Variants in KIF20B observed in about 807,000 individuals in gnomAD.
KIF20B encodes kinesin family member 20B.
In KIF20B, 188 loss-of-function variants were observed where a neutral mutation model predicts 232.5. That is an observed-to-expected ratio of 0.81 (90% CI 0.72 to 0.91). KIF20B has a LOEUF of 0.91. Among genes scored for constraint, KIF20B ranks in the 40% least tolerant of loss-of-function variants. The pLI, the probability that KIF20B is intolerant of heterozygous loss-of-function variation, is 0.00. For missense variants in KIF20B, 2,154 were observed against 2,055.9 expected (o/e 1.05, Z -0.92); for synonymous variants, 712 against 683.0 (o/e 1.04, Z -0.66).
At position 89,714,961 on chromosome 10, in the gene KIF20B, T is replaced by C. The variant is rs1842907811; in HGVS notation, c.719T>C (p.Leu240Ser). ...NDSDDTLYGS[L>S]TNSLNISEFE... is the part of the protein sequence containing the mutation. ...CTTTTTCTTTTTTTTGTAGGAAGTT[T>C]AACTAACTCTTTGAATATCTCAGAG... The change falls in exon 8 of 33, where the codon TTA (leucine) becomes TCA (serine). Residue 240 changes from leucine to serine, a missense_variant. By Grantham distance (145) the Leu-to-Ser change is moderately radical. Transcript: ENST00000371728. 1.3e-6 allele frequency: 2 copies of C among 1,540,354 alleles called. No homozygotes were observed. Among genetic ancestry groups the C allele is most frequent in the Non-Finnish European group, 1.8e-6 (2 of 1,136,598 alleles).
At position 89,711,031 on chromosome 10, in the gene KIF20B, G is replaced by C; in HGVS notation, c.561G>C (p.Leu187=). The C allele has an allele frequency of 6.2e-7, 1 of 1,608,886 alleles. No individual in the cohort carries two copies. Among genetic ancestry groups the C allele is most frequent in the Non-Finnish European group, 8.5e-7 (1 of 1,176,976 alleles). The part of the protein sequence containing the change: ...NVLFDSLQER[L]YTKMNLKPHR... Reference sequence around the variant, plus strand: ...TATTTGATAGTCTTCAAGAAAGACTGTATACAAAGATGAACCTTAAACCAC... The same window carrying C: ...TATTTGATAGTCTTCAAGAAAGACTCTATACAAAGATGAACCTTAAACCAC... The change falls in exon 6 of 33, where the codon CTG becomes CTC. Residue 187 remains leucine, a synonymous_variant. Transcript: ENST00000371728.
At chr10:89,735,273 GAA>G (rs1250536121) in intron 19 of KIF20B, among the ~76,000 whole-genome samples, 1 of 152,014 alleles carries the variant, frequency 6.6e-6, no homozygotes, top group Non-Finnish European at 1.5e-5. Context: ...AGATAGAAAA[GAA>G]GAACATATGT....
chr10:89,758,667 T>C, intron 26 of KIF20B, 39 bp from the exon 27 acceptor site: 3 of 1,392,122 alleles, frequency 2.2e-6, no homozygotes, highest in Non-Finnish European at 2.9e-6. Context: ...TCATAATATA[T>C]CAAGGTTGAT....
intron 21 of KIF20B, among the ~76,000 whole-genome samples, chr10:89,740,516 G>A (rs571370840): frequency 1.3e-5 from 2 of 152,226 alleles, no homozygotes; most frequent in East Asian, 3.9e-4. Flanking sequence ...AGAGTTTGGT[G>A]GGTGGGACTG....
intron 8 of KIF20B, among the ~76,000 whole-genome samples, chr10:89,716,020 T>A (rs921114144): frequency 2.0e-5 from 3 of 151,840 alleles, no homozygotes; most frequent in East Asian, 1.9e-4. Flanking sequence ...AATAAATAAA[T>A]AAAAATTAAA....
chr10:89,748,049 A>G (rs12247868), intron 23 of KIF20B, among the ~76,000 whole-genome samples: 47,483 of 152,170 alleles, frequency 0.31, 8,393 homozygotes, highest in African/African-American at 0.47. Context: ...CGCTCTTGTC[A>G]TCCAGGCTGG....
Position 89,706,244 on chromosome 10 carries a change from C to T in KIF20B, c.147+803C>T, listed in dbSNP as rs116333531. Among the ~76,000 whole-genome samples, 721 of 152,228 alleles carry T rather than the reference C, an allele frequency of 4.7e-3. 6 individuals are homozygous for T. The highest frequency in any genetic ancestry group is 0.016 in the African/African-American group (656 of 41,554). On this transcript the variant is annotated intron_variant, in intron 2 of 32. Coordinates refer to ENST00000371728, the MANE Select transcript of KIF20B (RefSeq NM_001284259.2). ...TTGCCCTTTCTAATGAGCACTCTTTCAAGTATTCTTGGCCATTTTTCTACT... is the reference window on the plus strand; with the variant it reads ...TTGCCCTTTCTAATGAGCACTCTTTTAAGTATTCTTGGCCATTTTTCTACT...
chr10:89,724,026 A>C lies in KIF20B; in HGVS notation c.1785A>C (p.Leu595Phe), dbSNP rs775126321. The part of the protein sequence containing the change: ...KKLINEKKEK[L>F]TLEFKIREEV... ...TGATAAATGAAAAAAAGGAAAAATT[A>C]ACCTTGGAATTTAAAATTCGAGAAG... Residue 595 changes from leucine to phenylalanine, a missense_variant, in exon 14 of 33, where the codon TTA (leucine) becomes TTC (phenylalanine). By Grantham distance (22) the Leu-to-Phe change is conservative. Transcript: ENST00000371728. 4 of 1,588,870 alleles carry C rather than the reference A, an allele frequency of 2.5e-6. No homozygotes were observed. In the East Asian group the frequency reaches 9.1e-5, roughly 36 times the overall value.
At chr10:89,758,487 T>C (rs1488669139) in intron 26 of KIF20B, among the ~76,000 whole-genome samples, 1 of 152,058 alleles carries the variant, frequency 6.6e-6, no homozygotes, top group Non-Finnish European at 1.5e-5. Context: ...TAAGCTGATT[T>C]TTGGAATGAG....
At position 89,762,633 on chromosome 10, in the gene KIF20B, T is replaced by A; in HGVS notation, c.4792-5T>A. 2 of 1,605,940 alleles carry A rather than the reference T, an allele frequency of 1.2e-6. No homozygotes were observed. The highest frequency in any genetic ancestry group is 1.7e-6 in the Non-Finnish European group (2 of 1,173,088). On this transcript the variant is annotated splice_region_variant and splice_polypyrimidine_tract_variant and intron_variant, in intron 28 of 32. Transcript: ENST00000371728. ...TAATATTTTTCCTTTTACATTCTGTTGTAGGATGGATCTGTAGTCCTTGAC... is the reference window on the plus strand; with the variant it reads ...TAATATTTTTCCTTTTACATTCTGTAGTAGGATGGATCTGTAGTCCTTGAC...
chr10:89,711,284 AGC>A (rs1842833303), intron 6 of KIF20B, 139 bp downstream of exon 6: 1 of 490,830 alleles, frequency 2.0e-6, no homozygotes, highest in African/African-American at 2.0e-5. Context: ...AGAAAAATAA[AGC>A]TTAAAGTGTG....
At chr10:89,719,284 C>T in intron 12 of KIF20B, 135 bp from the exon 13 acceptor site, 12 of 609,534 alleles carry the variant, frequency 2.0e-5, no homozygotes, top group Non-Finnish European at 3.0e-5. Flanking sequence ...ATGGTGATTC[C>T]TGTTTGTATG....
intron 29 of KIF20B, among the ~76,000 whole-genome samples, chr10:89,767,425 CTT>C (rs1842385411): frequency 6.6e-6 from 1 of 150,598 alleles, no homozygotes; most frequent in Non-Finnish European, 1.5e-5. Flanking sequence ...CTCATGGTCT[CTT>C]TTCACTGGCA....
rs967729508 is a variant in KIF20B at position 89,758,846 on chromosome 10, A to G, written c.4644A>G (p.Glu1548=). ...ATGTACAGAAAGATAATGAAATTGA[A>G]CAACTAAAAAGGATCATATCAGAGA... ...SSNVQKDNEI[E]QLKRIISETS... The change falls in exon 27 of 33, where the codon GAA becomes GAG. Residue 1548 remains glutamate, a synonymous_variant. Coordinates refer to ENST00000371728, the MANE Select transcript of KIF20B (RefSeq NM_001284259.2). 1.3e-6 allele frequency: 2 copies of G among 1,595,402 alleles called. No homozygotes were observed. The highest frequency in any genetic ancestry group is 2.7e-5 in the African/African-American group (2 of 73,966).
chr10:89,768,631 C>T (rs1367501088), intron 30 of KIF20B, 107 bp from the exon 31 acceptor site: 12 of 1,095,122 alleles, frequency 1.1e-5, no homozygotes, highest in African/African-American at 1.6e-5. Flanking sequence ...AAGTTTCCTA[C>T]CTGAGAATTC....
At chr10:89,726,725 A>G (rs1843195054) in intron 16 of KIF20B, among the ~76,000 whole-genome samples, 1 of 152,184 alleles carries the variant, frequency 6.6e-6, no homozygotes, top group Admixed American at 6.5e-5. Context: ...TTTATTTTAG[A>G]CCAATATTAT....
chr10:89,768,921 TG>T, intron 31 of KIF20B, 33 bp downstream of exon 31: 1 of 1,538,060 alleles, frequency 6.5e-7, no homozygotes, highest in Non-Finnish European at 8.8e-7. Flanking sequence ...GACCTTTTTT[TG>T]TTAGATGTTG....
intron 18 of KIF20B, 106 bp downstream of exon 18, chr10:89,729,353 A>G: frequency 3.6e-6 from 4 of 1,116,798 alleles, no homozygotes; most frequent in Non-Finnish European, 4.9e-6. Flanking sequence ...ATTTATTGAG[A>G]ATGTTGAATT....
At position 89,719,431 on chromosome 10, in the gene KIF20B, G is replaced by T. The variant is rs371696680; in HGVS notation, c.1447G>T (p.Asp483Tyr). ...SAIAQKVCVP[D>Y]TLNSSQEKLF... ...AATATTTTAACAGGTTTGTGTCCCA[G>T]ACACTTTAAATTCCTCTCAAGAGAA... The change falls in exon 13 of 33, where the codon GAC (aspartate) becomes TAC (tyrosine). Residue 483 changes from aspartate (D) to tyrosine (Y), a missense_variant. Coordinates refer to ENST00000371728, the MANE Select transcript of KIF20B (RefSeq NM_001284259.2). 7.6e-5 allele frequency: 120 copies of T among 1,580,672 alleles called. No homozygotes were observed. The highest frequency in any genetic ancestry group is 9.6e-5 in the Non-Finnish European group (112 of 1,166,556).
Sources: allele counts gnomAD v4.1 joint callset (sites outside exome capture counted in the v4.1 genomes callset), GRCh38; gene constraint gnomAD v4.1.1; transcripts MANE v1.5; gene names NCBI Gene and HGNC (gene_info 2026-07-23, HGNC 2026-07-21).